The following KAZN variants were observed in gnomAD, a reference collection of about 807,000 sequenced individuals.
The protein encoded by KAZN is kazrin.
Under a neutral mutation model 87.4 loss-of-function variants are expected in KAZN, and 40 were observed. That is an observed-to-expected ratio of 0.46 (90% CI 0.36 to 0.60). KAZN has a LOEUF of 0.60. Among genes scored for constraint, KAZN ranks in the 20% least tolerant of loss-of-function variants. The pLI is 0.00. For missense variants in KAZN, 898 were observed against 1,073.9 expected, an observed-to-expected ratio of 0.84 and a Z score of 2.29; for synonymous variants, 466 against 458.3, an observed-to-expected ratio of 1.02 and a Z score of -0.22.
At chr1:14,978,362 A>G (rs766677537) in intron 2 of KAZN, among the ~76,000 whole-genome samples, 14 of 152,158 alleles carry the variant, frequency 9.2e-5, no homozygotes, top group African/African-American at 3.1e-4. Flanking sequence ...GCTGTGTTCT[A>G]CGGAGCATCT....
At chr1:14,284,445 GCCC>G (rs34930590) in intron 2 of KAZN, among the ~76,000 whole-genome samples, 28,027 of 151,940 alleles carry the variant, frequency 0.18, 3,403 homozygotes, top group Middle Eastern at 0.36. Context: ...AATGTGGTGA[GCCC>G]CGGGTTCCAA....
At chr1:14,649,156 A>G (rs1013473772) in intron 1 of KAZN, among the ~76,000 whole-genome samples, 5 of 152,174 alleles carry the variant, frequency 3.3e-5, no homozygotes, top group African/African-American at 9.7e-5. Context: ...CCAGGCCCTG[A>G]ATTTTTTAGC....
At chr1:14,408,983 G>A (rs1160784085) in intron 2 of KAZN, among the ~76,000 whole-genome samples, 2 of 152,090 alleles carry the variant, frequency 1.3e-5, no homozygotes, top group Non-Finnish European at 2.9e-5. Flanking sequence ...ACCAGAGGAT[G>A]GACAAGAGCC....
At chr1:14,814,602 G>C (rs996826641) in intron 1 of KAZN, among the ~76,000 whole-genome samples, 2 of 152,210 alleles carry the variant, frequency 1.3e-5, no homozygotes, top group African/African-American at 4.8e-5. Flanking sequence ...TGCAGTCAAA[G>C]ATGAGAATCC....
At chr1:14,818,381 T>G (rs1441160691) in intron 1 of KAZN, among the ~76,000 whole-genome samples, 1 of 152,186 alleles carries the variant, frequency 6.6e-6, no homozygotes, top group Non-Finnish European at 1.5e-5. Context: ...AAGTGTTCAG[T>G]GTGAATTTAA....
chr1:14,021,584 C>G (rs1414819644), intron 1 of KAZN, among the ~76,000 whole-genome samples: 1 of 152,140 alleles, frequency 6.6e-6, no homozygotes, highest in East Asian at 1.9e-4. Flanking sequence ...TTTCCAAGTT[C>G]CCCAGGTAAT....
In KAZN at chr1:15,099,349, A is replaced by G. The variant is rs1238717513; in HGVS notation, c.1548-2194A>G. On this transcript the variant is annotated intron_variant, in intron 10 of 14. Transcript: ENST00000376030. The surrounding 1 kb of genome is among the most constrained non-coding windows in gnomAD (Gnocchi z 5.4). ...TTATCTGCTAAGGTGGGGAAGAGAG[A>G]AAATAAATTAGTGGACAAACCAGCA... is the stretch of plus-strand genomic sequence containing the variant. 1.3e-5 allele frequency among the ~76,000 whole-genome samples: 2 copies of G among 152,240 alleles called. No individual in the cohort carries two copies. The highest frequency in any genetic ancestry group is 2.9e-5 in the Non-Finnish European group (2 of 68,048).
chr1:14,010,371 A>G (rs923546420), intron 1 of KAZN, among the ~76,000 whole-genome samples: 4 of 152,206 alleles, frequency 2.6e-5, no homozygotes, highest in Non-Finnish European at 5.9e-5. Context: ...GCTGGGGCCA[A>G]CTCAGAATAT....
intron 2 of KAZN, among the ~76,000 whole-genome samples, chr1:14,266,818 T>C (rs761064656): frequency 8.5e-5 from 13 of 152,200 alleles, no homozygotes; most frequent in Non-Finnish European, 1.5e-4. Flanking sequence ...CAGGTGGACA[T>C]TGGGAGAATA....
intron 1 of KAZN, among the ~76,000 whole-genome samples, chr1:13,919,415 A>T (rs1038222662): frequency 6.6e-6 from 1 of 152,242 alleles, no homozygotes; most frequent in Non-Finnish European, 1.5e-5. Flanking sequence ...AGTATTCTGC[A>T]GTATGAGCAT....
chr1:14,940,676 A>G (rs1660956457), intron 1 of KAZN, among the ~76,000 whole-genome samples: 1 of 152,268 alleles, frequency 6.6e-6, no homozygotes, highest in Non-Finnish European at 1.5e-5. Flanking sequence ...GTCCTAAGGA[A>G]GAATGTTCCC....
At chr1:13,980,200 T>C (rs1250127668) in intron 1 of KAZN, among the ~76,000 whole-genome samples, 1 of 152,086 alleles carries the variant, frequency 6.6e-6, no homozygotes, top group African/African-American at 2.4e-5. Context: ...TAAAAAATAC[T>C]TTAGTAATTC....
chr1:14,812,659 G>A (rs1454246809), intron 1 of KAZN, among the ~76,000 whole-genome samples: 1 of 152,168 alleles, frequency 6.6e-6, no homozygotes, highest in Non-Finnish European at 1.5e-5. Context: ...GACTACAGGT[G>A]CATGCCACCA....
intron 1 of KAZN, among the ~76,000 whole-genome samples, chr1:14,091,267 G>C (rs143362305): frequency 4.8e-4 from 73 of 152,282 alleles, no homozygotes; most frequent in African/African-American, 1.6e-3. Flanking sequence ...ACCAGGCTCT[G>C]TGTGGTTCCC....
chr1:15,051,270 A>C (rs1171644651), intron 4 of KAZN, among the ~76,000 whole-genome samples: 1 of 152,238 alleles, frequency 6.6e-6, no homozygotes, highest in African/African-American at 2.4e-5. Flanking sequence ...TGATGGGTGC[A>C]CTGTGGCCTC....
intron 2 of KAZN, among the ~76,000 whole-genome samples, chr1:14,384,395 G>C (rs1261478769): frequency 6.6e-6 from 1 of 152,112 alleles, no homozygotes; most frequent in African/African-American, 2.4e-5. Context: ...TCTTGTGCCA[G>C]TTTTCAAAGG....
intron 1 of KAZN, among the ~76,000 whole-genome samples, chr1:13,954,902 C>T (rs1641485534): frequency 6.6e-6 from 1 of 152,174 alleles, no homozygotes; most frequent in Non-Finnish European, 1.5e-5. Context: ...TTTTCATCTT[C>T]ACCCTCTTTC....
In KAZN at chr1:14,239,451, G is replaced by GGTTCTTTTTTTTTTTTTTT. The variant is rs1337342923; in HGVS notation, c.249+58859_249+58860insGTTCTTTTTTTTTTTTTTT. Among the ~76,000 whole-genome samples, 2 of 110,644 alleles carry GGTTCTTTTTTTTTTTTTTT rather than the reference G, an allele frequency of 1.8e-5. 1 individual carries two copies. Among genetic ancestry groups the GGTTCTTTTTTTTTTTTTTT allele is most frequent in the African/African-American group, 6.5e-5 (2 of 30,602 alleles). 72.6% of individuals were successfully genotyped at this position (110,644 alleles called of 152,430 possible). A position where few individuals can be genotyped will look rare whatever the true frequency, so the allele number is the denominator to read the frequency against. On this transcript the variant is annotated intron_variant, in intron 2 of 16. Coordinates refer to the KAZN transcript ENST00000636203. ...GCAGTAAATTATACACATAAGTTGG[G>GGTTCTTTTTTTTTTTTTTT]TTTCTTTTTTTTTTTTTTTTTTTTT...
chr1:15,048,422 A>ATGTGTGTGTGTGTGTGTGTGTGTGTGTG (rs111596883), intron 4 of KAZN, among the ~76,000 whole-genome samples: 113 of 150,936 alleles, frequency 7.5e-4, no homozygotes, highest in African/African-American at 2.7e-3. Context: ...ATGTGTGTGT[A>ATGTGTGTGTGTGTGTGTGTGTGTGTGTG]TGTGTGTGTG....
Sources: gnomAD v4.1 joint callset for allele counts (sites outside exome capture counted in the v4.1 genomes callset) on GRCh38, gnomAD v4.1.1 for gene constraint, Gnocchi (gnomAD v3.1) non-coding constraint, MANE v1.5 for transcripts, NCBI Gene and HGNC (gene_info 2026-07-23, HGNC 2026-07-21) for gene names.